The following GRIP1 variants were observed in gnomAD, a reference collection of about 807,000 sequenced individuals.
The protein encoded by GRIP1 is glutamate receptor-interacting protein 1.
In GRIP1, 45 loss-of-function variants were observed where a neutral mutation model predicts 129.9. The ratio of observed to expected loss-of-function variants is 0.35; its 90% CI spans 0.27 to 0.44. The LOEUF is 0.44. GRIP1 is among the 20% of genes least tolerant of loss of function. The pLI, the probability that GRIP1 is intolerant of heterozygous loss-of-function variation, is 1.00. For missense variants in GRIP1, 1,196 were observed against 1,396.8 expected (o/e 0.86, Z 2.29); for synonymous variants, 530 against 520.8 (o/e 1.02, Z -0.24).
chr12:66,505,558 T>G (rs372099032), intron 7 of GRIP1, among the ~76,000 whole-genome samples: 3 of 152,184 alleles, frequency 2.0e-5, no homozygotes, highest in Admixed American at 6.5e-5. Flanking sequence ...CTTTGTGGCA[T>G]TTTGCTACAA....
intron 4 of GRIP1, among the ~76,000 whole-genome samples, chr12:66,538,287 C>T (rs975837581): frequency 6.6e-6 from 1 of 151,858 alleles, no homozygotes; most frequent in Non-Finnish European, 1.5e-5. Flanking sequence ...GCAGCCTCGA[C>T]CTTCTGGGCT....
chr12:66,592,407 A>C (rs987235868), intron 2 of GRIP1, among the ~76,000 whole-genome samples: 1 of 152,222 alleles, frequency 6.6e-6, no homozygotes, highest in Non-Finnish European at 1.5e-5. Flanking sequence ...CAAATTGATA[A>C]GCATTTCTTA....
intron 1 of GRIP1, among the ~76,000 whole-genome samples, chr12:66,826,090 A>C (rs939395635): frequency 6.6e-6 from 1 of 152,214 alleles, no homozygotes; most frequent in Non-Finnish European, 1.5e-5. Flanking sequence ...TGGATAAAGA[A>C]AATGTGGCAC....
intron 14 of GRIP1, among the ~76,000 whole-genome samples, chr12:66,427,277 T>A (rs1192525625): frequency 1.3e-5 from 2 of 152,154 alleles, no homozygotes; most frequent in Non-Finnish European, 1.5e-5. Context: ...GTTTTTGCCC[T>A]TTGAAAAATC....
At chr12:66,675,613 A>G (rs1032597676) in intron 1 of GRIP1, among the ~76,000 whole-genome samples, 7 of 152,172 alleles carry the variant, frequency 4.6e-5, no homozygotes, top group African/African-American at 1.7e-4. Context: ...GGTAGGTGCC[A>G]AGAAGCCTAG....
intron 1 of GRIP1, among the ~76,000 whole-genome samples, chr12:66,886,679 C>T (rs915017452): frequency 2.6e-5 from 4 of 152,096 alleles, no homozygotes; most frequent in Non-Finnish European, 5.9e-5. Context: ...TAGTTGGTGA[C>T]AGTACTAAGC....
intron 1 of GRIP1, among the ~76,000 whole-genome samples, chr12:66,660,920 T>C (rs189028951): frequency 7.9e-5 from 12 of 152,114 alleles, no homozygotes; most frequent in Admixed American, 7.2e-4. Context: ...TGTATACATG[T>C]GTATTACATG....
chr12:66,972,264 G>T (rs1328736739), intron 1 of GRIP1, among the ~76,000 whole-genome samples: 1 of 152,214 alleles, frequency 6.6e-6, no homozygotes, highest in African/African-American at 2.4e-5. Flanking sequence ...TCTAGTCTCT[G>T]TCTGAGTACT....
intron 1 of GRIP1, among the ~76,000 whole-genome samples, chr12:67,002,518 A>G (rs550690190): frequency 6.6e-5 from 10 of 152,358 alleles, no homozygotes; most frequent in African/African-American, 2.4e-4. Context: ...AGGAGATAAT[A>G]TTGGCCTTTT....
chr12:66,420,938 T>C, intron 14 of GRIP1, 149 bp from the exon 15 acceptor site: 5 of 608,464 alleles, frequency 8.2e-6, no homozygotes, highest in Admixed American at 2.8e-5. Context: ...GTATGCACAT[T>C]ATGTCTTTAC....
At chr12:66,691,753 A>T (rs1014525856) in intron 1 of GRIP1, among the ~76,000 whole-genome samples, 7 of 152,124 alleles carry the variant, frequency 4.6e-5, no homozygotes, top group Non-Finnish European at 7.4e-5. Context: ...CTAGGAAGAG[A>T]GTCCTTCCAT....
At chr12:66,602,848 CTT>C (rs71436016) in intron 1 of GRIP1, among the ~76,000 whole-genome samples, 53 of 71,648 alleles carry the variant, frequency 7.4e-4, no homozygotes, top group African/African-American at 2.5e-3. Flanking sequence ...AGATCTTTTG[CTT>C]TTTTTTTTTT....
At chr12:66,555,810 G>A (rs766776634) in intron 2 of GRIP1, among the ~76,000 whole-genome samples, 1 of 152,030 alleles carries the variant, frequency 6.6e-6, no homozygotes, top group Non-Finnish European at 1.5e-5. Context: ...GTTAATAGGA[G>A]AAGTGATCAA....
At chr12:67,028,911 A>C (rs2042978615) in intron 1 of GRIP1, among the ~76,000 whole-genome samples, 1 of 152,132 alleles carries the variant, frequency 6.6e-6, no homozygotes, top group South Asian at 2.1e-4. Context: ...GCAGCATCTA[A>C]GCACTAGAGA....
intron 9 of GRIP1, among the ~76,000 whole-genome samples, chr12:66,461,323 C>G (rs1269223984): frequency 1.3e-5 from 2 of 152,238 alleles, no homozygotes; most frequent in African/African-American, 4.8e-5. Flanking sequence ...CAAGCAAAAC[C>G]CCATGCTGAG....
chr12:66,715,497 A>T lies in GRIP1; in HGVS notation c.-419-85161T>A, dbSNP rs903449367. 5.4e-5 allele frequency among the ~76,000 whole-genome samples: 8 copies of T among 147,934 alleles called. 1 individual carries two copies. The highest frequency in any genetic ancestry group is 1.5e-4 in the African/African-American group (6 of 40,582). On this transcript the variant is annotated intron_variant, in intron 1 of 4. Transcript: ENST00000538373. ...GAGAGAGAGAGAGAGAGAGAGAGAG[A>T]GAGAGAGAGAGAGAGAGAGAACTGT...
At chr12:66,473,581 C>G (rs2059509674) in intron 7 of GRIP1, among the ~76,000 whole-genome samples, 1 of 152,214 alleles carries the variant, frequency 6.6e-6, no homozygotes, top group Admixed American at 6.5e-5. Context: ...TACAGGAGAG[C>G]TCCAGCTGGC....
Position 66,444,722 on chromosome 12 carries a change from C to T in GRIP1, c.1549G>A (p.Val517Met), listed in dbSNP as rs2138105213. ...EADSPAERCG[V>M]LQIGDRVMAI... is the part of the protein sequence containing the mutation. ...ATCACTCTGTCTCCAATCTGTAGCA[C>T]CCCACATCTAATTTAGAACCACATG... The change falls in exon 13 of 25, where the codon GTG becomes ATG. Residue 517 changes from valine (V) to methionine (M), a missense_variant. Coordinates refer to ENST00000359742, the MANE Select transcript of GRIP1 (RefSeq NM_001366722.1). The T allele has an allele frequency of 1.2e-6, 2 of 1,613,970 alleles. No individual in the cohort carries two copies. The highest frequency in any genetic ancestry group is 1.7e-6 in the Non-Finnish European group (2 of 1,179,914).
chr12:66,521,442 T>C (rs988434305), intron 5 of GRIP1, among the ~76,000 whole-genome samples: 2 of 152,256 alleles, frequency 1.3e-5, no homozygotes, highest in Admixed American at 6.5e-5. Flanking sequence ...TTTGATAGAA[T>C]TTTTACTCTG....
Sources: gnomAD v4.1 joint callset for allele counts (sites outside exome capture counted in the v4.1 genomes callset) on GRCh38, gnomAD v4.1.1 for gene constraint, MANE v1.5 for transcripts, NCBI Gene and HGNC (gene_info 2026-07-23, HGNC 2026-07-21) for gene names.